TBC1D30: variants seen among roughly 807,000 people sequenced by gnomAD.
TBC1D30 encodes the protein TBC1 domain family, member 30.
Under a neutral mutation model 63.2 loss-of-function variants are expected in TBC1D30, and 31 were observed. The ratio of observed to expected loss-of-function variants is 0.49; its 90% CI spans 0.37 to 0.66. TBC1D30 has a LOEUF of 0.66. TBC1D30 is among the 30% of genes least tolerant of loss of function. The pLI, the probability that TBC1D30 is intolerant of heterozygous loss-of-function variation, is 0.00. For synonymous variants in TBC1D30, 307 were observed against 361.5 expected, an observed-to-expected ratio of 0.85 and a Z score of 1.71; for missense variants, 810 against 953.6, an observed-to-expected ratio of 0.85 and a Z score of 1.98.
chr12:64,770,477 T>C (rs1007143705), intron 1 of TBC1D30, among the ~76,000 whole-genome samples: 1 of 152,186 alleles, frequency 6.6e-6, no homozygotes, highest in Non-Finnish European at 1.5e-5. Context: ...CCTATTGCTG[T>C]CACCACTGCT....
rs1409223639 is a variant in TBC1D30 at position 64,866,785 on chromosome 12, C to T, written c.1173C>T (p.Asp391=). The change falls in exon 10 of 12, where the codon GAC becomes GAT. Residue 391 remains aspartate, a synonymous_variant. Transcript: ENST00000539867. ...SVSGRHSKAR[D]SDEENDPDDE... ...CAAGACGACATAGTAAGGCCAGAGA[C>T]AGTGATGAAGAGAATGACCCAGACG... 1 of 1,536,422 alleles carries T rather than the reference C, an allele frequency of 6.5e-7. No homozygotes were observed.
At chr12:64,789,180 TC>T (rs142595023) in intron 2 of TBC1D30, among the ~76,000 whole-genome samples, 8 of 129,006 alleles carry the variant, frequency 6.2e-5, no homozygotes, top group African/African-American at 8.8e-5. Context: ...TCCTTCTTCT[TC>T]TTCTTTTTTT....
At chr12:64,819,643 G>T (rs1232945277) in intron 2 of TBC1D30, among the ~76,000 whole-genome samples, 1 of 151,802 alleles carries the variant, frequency 6.6e-6, no homozygotes. Flanking sequence ...TCAGTCTCCC[G>T]AAGTGCTGAG....
At chr12:64,860,780 T>C (rs1877723733) in intron 8 of TBC1D30, among the ~76,000 whole-genome samples, 1 of 152,090 alleles carries the variant, frequency 6.6e-6, no homozygotes, top group Admixed American at 6.6e-5. Flanking sequence ...TGAGTTGGAG[T>C]GTGAGCAACT....
chr12:64,856,723 G>A (rs980796693), intron 8 of TBC1D30, among the ~76,000 whole-genome samples: 1 of 152,026 alleles, frequency 6.6e-6, no homozygotes, highest in Non-Finnish European at 1.5e-5. Context: ...GTTTTTTTCT[G>A]GGGGCCAGGG....
exon 1 of TBC1D30, chr12:64,759,604 C>A (rs768510389): frequency 1.4e-5 from 5 of 358,316 alleles, no homozygotes; most frequent in Non-Finnish European, 2.5e-5. Flanking sequence ...GAGAAAAGGG[C>A]GGAGAACCGG....
chr12:64,874,955 G>A, intron 11 of TBC1D30, 46 bp from the exon 12 acceptor site: 1 of 1,487,850 alleles, frequency 6.7e-7, no homozygotes, highest in Non-Finnish European at 8.9e-7. Flanking sequence ...AGATGGATGT[G>A]TTTCTTTGTG....
chr12:64,841,428 C>T (rs1038752075), intron 7 of TBC1D30, among the ~76,000 whole-genome samples: 1 of 152,166 alleles, frequency 6.6e-6, no homozygotes, highest in Non-Finnish European at 1.5e-5. Flanking sequence ...GGTGTGTCCT[C>T]CTTGGTTTCC....
chr12:64,836,647 A>G lies in TBC1D30; in HGVS notation c.752A>G (p.Lys251Arg). Residue 251 changes from lysine to arginine, a missense_variant, in exon 6 of 12, where the codon AAA becomes AGA. Coordinates refer to ENST00000539867, the MANE Select transcript of TBC1D30 (RefSeq NM_015279.2). ...HLDTLQRTAN[K>R]ESGGGYEPPL... Reference sequence around the variant, plus strand: ...GATACTCTTCAGAGAACTGCAAACAAAGAAAGTGGAGGTAGGTTTCAATGC... The same window carrying G: ...GATACTCTTCAGAGAACTGCAAACAGAGAAAGTGGAGGTAGGTTTCAATGC... 1 of 1,534,080 alleles carries G rather than the reference A, an allele frequency of 6.5e-7. No individual in the cohort carries two copies. Among genetic ancestry groups the G allele is most frequent in the Non-Finnish European group, 8.7e-7 (1 of 1,145,400 alleles).
rs756548848 is a variant in TBC1D30 at position 64,843,445 on chromosome 12, T to C, written c.998T>C (p.Met333Thr). The change falls in exon 8 of 12, where the codon ATG becomes ACG. Residue 333 changes from methionine (M) to threonine (T), a missense_variant. Physicochemically the swap from Met to Thr is moderately conservative, Grantham distance 81 (BLOSUM62 -1). Transcript: ENST00000539867. ...YSTMGRLTQE[M>T]LENDLLQSHE... is the part of the protein sequence containing the mutation. ...ACCATGGGGCGCCTTACCCAGGAGA[T>C]GCTAGAGAATGATCTTCTGCAAAGC... 32 of 1,536,118 alleles carry C rather than the reference T, an allele frequency of 2.1e-5. No individual in the cohort carries two copies. Among genetic ancestry groups the C allele is most frequent in the Non-Finnish European group, 3.5e-6 (4 of 1,146,926 alleles).
At chr12:64,863,451 G>C (rs1877960070) in intron 8 of TBC1D30, among the ~76,000 whole-genome samples, 2 of 152,142 alleles carry the variant, frequency 1.3e-5, no homozygotes, top group African/African-American at 4.8e-5. Flanking sequence ...CAGCCTTTTG[G>C]GTATAATCAA....
At chr12:64,806,975 G>A (rs1872908162) in intron 2 of TBC1D30, among the ~76,000 whole-genome samples, 1 of 152,206 alleles carries the variant, frequency 6.6e-6, no homozygotes, top group African/African-American at 2.4e-5. Context: ...GGTACCTGCA[G>A]TAGTCAGATT....
chr12:64,823,297 C>T (rs1278424179), upstream of TBC1D30, among the ~76,000 whole-genome samples: 12 of 152,034 alleles, frequency 7.9e-5, no homozygotes, highest in East Asian at 2.3e-3. Context: ...TTTATTTGCT[C>T]TGGGAATATG....
intron 1 of TBC1D30, among the ~76,000 whole-genome samples, chr12:64,768,048 G>A (rs1870783716): frequency 2.0e-5 from 3 of 152,142 alleles, no homozygotes; most frequent in Admixed American, 6.6e-5. Flanking sequence ...GATGGGGACT[G>A]GAGCATAAAA....
chr12:64,825,890 G>C (rs886067465), intron 1 of TBC1D30, among the ~76,000 whole-genome samples: 2 of 152,190 alleles, frequency 1.3e-5, no homozygotes, highest in East Asian at 1.9e-4. Flanking sequence ...CCCGGCCCCC[G>C]CCCCCCAGCG....
At chr12:64,761,357 AC>A (rs1259772613) in intron 1 of TBC1D30, among the ~76,000 whole-genome samples, 1 of 152,200 alleles carries the variant, frequency 6.6e-6, no homozygotes, top group Non-Finnish European at 1.5e-5. Flanking sequence ...AGGCGATTGA[AC>A]CAGAGCAACT....
At chr12:64,790,894 T>C (rs1415518108) in intron 2 of TBC1D30, among the ~76,000 whole-genome samples, 1 of 152,138 alleles carries the variant, frequency 6.6e-6, no homozygotes, top group Non-Finnish European at 1.5e-5. Flanking sequence ...TTTGTAAAAT[T>C]ATAAAAATAA....
intron 1 of TBC1D30, among the ~76,000 whole-genome samples, chr12:64,781,857 T>G (rs1278440152): frequency 6.6e-6 from 1 of 152,012 alleles, no homozygotes; most frequent in Non-Finnish European, 1.5e-5. Context: ...TAGGAATTTT[T>G]GTTGTTGTTG....
chr12:64,814,421 T>A (rs7310080), intron 2 of TBC1D30, among the ~76,000 whole-genome samples: 108,021 of 151,626 alleles, frequency 0.71, 39,618 homozygotes, highest in East Asian at 0.9. Context: ...AGATAAAATT[T>A]AAAAAAAAAT....
Sources: allele counts gnomAD v4.1 joint callset (sites outside exome capture counted in the v4.1 genomes callset), GRCh38; gene constraint gnomAD v4.1.1; transcripts MANE v1.5; gene names NCBI Gene and HGNC (gene_info 2026-07-23, HGNC 2026-07-21).